Variants in SNX25 observed in about 807,000 individuals in gnomAD.
SNX25 encodes sorting nexin-25.
In SNX25, 62 loss-of-function variants were observed where a neutral mutation model predicts 113.7. That is an observed-to-expected ratio of 0.55 (90% CI 0.44 to 0.67). SNX25 has a LOEUF of 0.67. Among genes scored for constraint, SNX25 ranks in the 30% least tolerant of loss-of-function variants. The pLI, the probability that SNX25 is intolerant of heterozygous loss-of-function variation, is 0.00. For missense variants in SNX25, 1,014 were observed against 1,161.0 expected, an observed-to-expected ratio of 0.87 and a Z score of 1.84; for synonymous variants, 421 against 436.2, an observed-to-expected ratio of 0.97 and a Z score of 0.43.
chr4:185,269,473 T>C (rs968777112), intron 5 of SNX25, among the ~76,000 whole-genome samples: 27 of 152,226 alleles, frequency 1.8e-4, no homozygotes, highest in Non-Finnish European at 3.5e-4. Flanking sequence ...TGTGGCTTCA[T>C]TGAATTCCTG....
At chr4:185,321,289 G>C (rs1245678159) in intron 8 of SNX25, among the ~76,000 whole-genome samples, 2 of 144,824 alleles carry the variant, frequency 1.4e-5, no homozygotes, top group South Asian at 4.3e-4. Context: ...TTGAGACGGA[G>C]CCTTACTCTT....
intron 5 of SNX25, among the ~76,000 whole-genome samples, chr4:185,273,691 C>T (rs1165614201): frequency 6.6e-6 from 1 of 152,182 alleles, no homozygotes; most frequent in Non-Finnish European, 1.5e-5. Flanking sequence ...CCTTCAGCCC[C>T]TGGTAACCAC....
At chr4:185,376,439 G>A in the SNX25 span, among the ~76,000 whole-genome samples, 3 of 138,226 alleles carry the variant, frequency 2.2e-5, no homozygotes, top group African/African-American at 8.4e-5. Context: ...ACCATGCCCA[G>A]CTACTTTTTT....
At chr4:185,226,895 T>TA (rs11438213) in intron 1 of SNX25, among the ~76,000 whole-genome samples, 99,414 of 152,146 alleles carry the variant, frequency 0.65, 32,593 homozygotes, top group East Asian at 0.75. Flanking sequence ...CTTTTATTTT[T>TA]AACAATAAGG....
chr4:185,337,583 C>T (rs746816064), intron 10 of SNX25, among the ~76,000 whole-genome samples: 1 of 152,146 alleles, frequency 6.6e-6, no homozygotes, highest in Non-Finnish European at 1.5e-5. Flanking sequence ...TTAAAAAGAT[C>T]TTGCTTCCAA....
At chr4:185,217,152 C>T (rs960857694) in intron 1 of SNX25, among the ~76,000 whole-genome samples, 1 of 151,776 alleles carries the variant, frequency 6.6e-6, no homozygotes. Context: ...AAATACTGGC[C>T]GAGTGCAGTG....
intron 6 of SNX25, 142 bp downstream of exon 6, chr4:185,288,224 T>C: frequency 1.7e-6 from 1 of 606,060 alleles, no homozygotes; most frequent in Non-Finnish European, 2.9e-6. Flanking sequence ...AACAATACTA[T>C]TACAGTATTA....
chr4:185,256,162 TACATTTTATTTGCTGAGTAGTAAAAG>T (rs1746394981), intron 2 of SNX25, among the ~76,000 whole-genome samples: 1 of 152,228 alleles, frequency 6.6e-6, no homozygotes, highest in Non-Finnish European at 1.5e-5. Context: ...AAGCCCTCTA[TACATTTTATTTGCTGAGTAGTAAAAG>T]ATTGAGATAG....
chr4:185,301,326 C>G (rs1300358901), intron 6 of SNX25, among the ~76,000 whole-genome samples: 1 of 152,310 alleles, frequency 6.6e-6, no homozygotes, highest in Middle Eastern at 3.4e-3. Context: ...AAGCTCCGCA[C>G]CCCTTCCCCC....
intron 1 of SNX25, among the ~76,000 whole-genome samples, chr4:185,233,733 T>A (rs1414974586): frequency 6.6e-6 from 1 of 152,224 alleles, no homozygotes; most frequent in Admixed American, 6.5e-5. Context: ...TAAATTTCTC[T>A]TGTAATCAAA....
At chr4:185,322,402 A>C (rs1229404513) in intron 8 of SNX25, among the ~76,000 whole-genome samples, 1 of 152,182 alleles carries the variant, frequency 6.6e-6, no homozygotes, top group Non-Finnish European at 1.5e-5. Context: ...ACTACACTCC[A>C]GCCTGGGCGA....
At chr4:185,331,784 AAAAC>A (rs1171989044) in intron 9 of SNX25, among the ~76,000 whole-genome samples, 4 of 152,338 alleles carry the variant, frequency 2.6e-5, no homozygotes, top group South Asian at 2.1e-4. Flanking sequence ...CTGTCTCAAA[AAAAC>A]AAACAAAAAA....
intron 1 of SNX25, among the ~76,000 whole-genome samples, chr4:185,228,350 G>T (rs773275945): frequency 1.3e-5 from 2 of 152,126 alleles, no homozygotes; most frequent in African/African-American, 4.8e-5. Context: ...GGCAGGATCA[G>T]AGCATAGGTG....
chr4:185,367,381 T>G (rs2095392388), downstream of SNX25: 8 of 691,442 alleles, frequency 1.2e-5, no homozygotes, highest in Non-Finnish European at 1.7e-5. Context: ...GTTAAGATAC[T>G]TTCTATTCTG....
intron 1 of SNX25, among the ~76,000 whole-genome samples, chr4:185,240,432 G>T (rs1743615015): frequency 6.7e-6 from 1 of 149,700 alleles, no homozygotes; most frequent in Non-Finnish European, 1.5e-5. Flanking sequence ...GGGGCGGCTG[G>T]CCGGGCAGAG....
At chr4:185,297,806 C>T (rs1277765332) in intron 6 of SNX25, among the ~76,000 whole-genome samples, 1 of 151,570 alleles carries the variant, frequency 6.6e-6, no homozygotes, top group African/African-American at 2.4e-5. Context: ...GGGGCTTCTA[C>T]CTTCATCATC....
intron 1 of SNX25, among the ~76,000 whole-genome samples, chr4:185,239,238 T>C (rs890984272): frequency 7.2e-6 from 1 of 139,288 alleles, no homozygotes. Context: ...TCCCAGCACT[T>C]TGGGAGGCCA....
At chr4:185,347,981 C>T (rs10023947) in intron 13 of SNX25, among the ~76,000 whole-genome samples, 50,362 of 151,962 alleles carry the variant, frequency 0.33, 10,465 homozygotes, top group African/African-American at 0.59. Context: ...TTTTTTTTAT[C>T]TTATGGTTAA....
At chr4:185,240,193 G>A (rs1214167579) in intron 1 of SNX25, among the ~76,000 whole-genome samples, 3 of 151,842 alleles carry the variant, frequency 2.0e-5, no homozygotes, top group Non-Finnish European at 4.4e-5. Flanking sequence ...GCAACCATCC[G>A]ATTTCTCAGT....
Sources: allele counts gnomAD v4.1 joint callset (sites outside exome capture counted in the v4.1 genomes callset), GRCh38; gene constraint gnomAD v4.1.1; transcripts MANE v1.5; gene names NCBI Gene and HGNC (gene_info 2026-07-23, HGNC 2026-07-21).